The following VSNL1 variants were observed in gnomAD, a reference collection of about 807,000 sequenced individuals.
The protein encoded by VSNL1 is visinin-like protein 1.
Under a neutral mutation model 20.4 loss-of-function variants are expected in VSNL1, and 6 were observed. The ratio of observed to expected loss-of-function variants is 0.29; its 90% CI spans 0.16 to 0.58. The LOEUF (loss-of-function observed/expected upper bound fraction) is 0.58. VSNL1 is among the 20% of genes least tolerant of loss of function. The probability of loss-of-function intolerance (pLI) is 0.90; values close to 1 mark genes in which losing one functional copy is unlikely to be tolerated. For missense variants in VSNL1, 100 were observed against 234.5 expected (o/e 0.43, Z 3.75); for synonymous variants, 93 against 86.4 (o/e 1.08, Z -0.42).
At chr2:17,628,304 G>A (rs1665555547) in intron 2 of VSNL1, among the ~76,000 whole-genome samples, 2 of 152,226 alleles carry the variant, frequency 1.3e-5, no homozygotes, top group African/African-American at 4.8e-5. Context: ...GGAGGCAGAG[G>A]AGTGTGAAGA....
chr2:17,543,522 C>G (rs1663340360), intron 1 of VSNL1, among the ~76,000 whole-genome samples: 1 of 152,184 alleles, frequency 6.6e-6, no homozygotes, highest in Non-Finnish European at 1.5e-5. Context: ...TCCTAGGAGG[C>G]AGAACCCAAA....
chr2:17,614,376 C>T (rs1572198952), intron 2 of VSNL1, among the ~76,000 whole-genome samples: 1 of 152,238 alleles, frequency 6.6e-6, no homozygotes, highest in East Asian at 1.9e-4. Context: ...TAGCACCAGG[C>T]AGTGCATCTG....
intron 2 of VSNL1, among the ~76,000 whole-genome samples, chr2:17,594,987 T>C (rs1664680416): frequency 6.6e-6 from 1 of 152,228 alleles, no homozygotes; most frequent in African/African-American, 2.4e-5. Flanking sequence ...ACAGGAATGC[T>C]GACTCCCACT....
intron 1 of VSNL1, among the ~76,000 whole-genome samples, chr2:17,569,359 TA>T (rs1408696561): frequency 1.3e-5 from 2 of 151,212 alleles, no homozygotes; most frequent in Non-Finnish European, 3.0e-5. Context: ...AATTAAAAAT[TA>T]AAAAAAATAT....
chr2:17,641,038 C>T (rs1434367820), intron 2 of VSNL1, among the ~76,000 whole-genome samples: 1 of 152,230 alleles, frequency 6.6e-6, no homozygotes, highest in Non-Finnish European at 1.5e-5. Flanking sequence ...GCTCTCTCCC[C>T]ACGATTCCAG....
intron 2 of VSNL1, among the ~76,000 whole-genome samples, chr2:17,640,804 C>A (rs1235872868): frequency 2.0e-5 from 3 of 152,090 alleles, no homozygotes; most frequent in African/African-American, 7.2e-5. Flanking sequence ...TTAGCATATT[C>A]ATTTCCTCAT....
chr2:17,565,589 T>C (rs1229031570), intron 1 of VSNL1, among the ~76,000 whole-genome samples: 9 of 152,212 alleles, frequency 5.9e-5, no homozygotes, highest in Non-Finnish European at 1.3e-4. Context: ...TAATATTATA[T>C]GCTATTATCA....
intron 1 of VSNL1, among the ~76,000 whole-genome samples, chr2:17,579,211 G>T (rs560167759): frequency 6.6e-6 from 1 of 152,020 alleles, no homozygotes; most frequent in Non-Finnish European, 1.5e-5. Flanking sequence ...CGCCTCCCGG[G>T]TTCATGCCAT....
intron 2 of VSNL1, among the ~76,000 whole-genome samples, chr2:17,594,701 C>G (rs182907982): frequency 6.4e-4 from 98 of 152,274 alleles, no homozygotes; most frequent in Non-Finnish European, 9.6e-4. Flanking sequence ...CCTGGCACAT[C>G]CCCTCTTGCT....
intron 2 of VSNL1, among the ~76,000 whole-genome samples, chr2:17,646,562 G>C (rs919438170): frequency 6.6e-6 from 1 of 152,186 alleles, no homozygotes; most frequent in Non-Finnish European, 1.5e-5. Flanking sequence ...AATTAAGTGA[G>C]AGAACACTAA....
chr2:17,547,529 AAAAT>A (rs1350245359), intron 1 of VSNL1, among the ~76,000 whole-genome samples: 5 of 152,220 alleles, frequency 3.3e-5, no homozygotes, highest in Admixed American at 2.0e-4. Flanking sequence ...ACTGCAGAAC[AAAAT>A]TAAGTAAGAT....
intron 3 of VSNL1, among the ~76,000 whole-genome samples, chr2:17,654,904 G>A (rs1666193401): frequency 6.6e-6 from 1 of 152,160 alleles, no homozygotes; most frequent in South Asian, 2.1e-4. Context: ...GATGTGCCAG[G>A]CATCATACCA....
intron 2 of VSNL1, among the ~76,000 whole-genome samples, chr2:17,598,842 A>T (rs1484155993): frequency 2.6e-5 from 4 of 152,240 alleles, no homozygotes; most frequent in African/African-American, 9.6e-5. Flanking sequence ...CTTCTAAGTT[A>T]TACTTTCAAA....
At chr2:17,569,594 T>G (rs2103355008) in intron 1 of VSNL1, among the ~76,000 whole-genome samples, 1 of 152,260 alleles carries the variant, frequency 6.6e-6, no homozygotes, top group South Asian at 2.1e-4. Flanking sequence ...TCCATATTTT[T>G]CATCCGTTAC....
chr2:17,585,800 C>CTTT (rs1383820699), intron 1 of VSNL1, among the ~76,000 whole-genome samples: 5 of 148,282 alleles, frequency 3.4e-5, no homozygotes, highest in African/African-American at 1.0e-4. Flanking sequence ...TCTTGGAATT[C>CTTT]TTTTTTTCTT....
upstream of VSNL1, chr2:17,540,607 G>A (rs1365883592): frequency 6.5e-6 from 1 of 152,796 alleles, no homozygotes; most frequent in Non-Finnish European, 1.5e-5. Context: ...GGAGGGAAGA[G>A]AGGAAAGGGG....
chr2:17,616,936 G>C (rs1046933905), intron 2 of VSNL1, among the ~76,000 whole-genome samples: 1 of 152,208 alleles, frequency 6.6e-6, no homozygotes, highest in African/African-American at 2.4e-5. Flanking sequence ...GATGGGGAGT[G>C]TAACACAGAG....
intron 1 of VSNL1, among the ~76,000 whole-genome samples, chr2:17,572,272 C>T (rs1012675718): frequency 6.6e-6 from 1 of 152,184 alleles, no homozygotes; most frequent in African/African-American, 2.4e-5. Context: ...ATTTCTTCTT[C>T]TTCCATTGGT....
intron 1 of VSNL1, among the ~76,000 whole-genome samples, chr2:17,565,415 C>T (rs1024712268): frequency 2.0e-5 from 3 of 152,044 alleles, no homozygotes; most frequent in Admixed American, 1.3e-4. Context: ...AGCAATCATT[C>T]TATTTAATTT....
Sources: allele counts gnomAD v4.1 joint callset (sites outside exome capture counted in the v4.1 genomes callset), GRCh38; gene constraint gnomAD v4.1.1; transcripts MANE v1.5; gene names NCBI Gene and HGNC (gene_info 2026-07-23, HGNC 2026-07-21).